THSD7A: variants seen among roughly 807,000 people sequenced by gnomAD.
THSD7A encodes the protein thrombospondin type 1 domain containing 7A, also known as thrombospondin type-1 domain-containing protein 7A.
A neutral mutation model predicts 231.3 loss-of-function variants in THSD7A; 96 were observed. That is an observed-to-expected ratio of 0.41 (90% confidence interval 0.35 to 0.49). The LOEUF is 0.49. Ranked by LOEUF, THSD7A falls within the 20% of genes least tolerant of loss-of-function variation. The probability of loss-of-function intolerance (pLI) is 0.05; values close to 1 mark genes in which losing one functional copy is unlikely to be tolerated. For missense variants in THSD7A, 2,290 were observed against 2,070.2 expected (o/e 1.11, Z -2.06); for synonymous variants, 940 against 743.3 (o/e 1.26, Z -4.30).
chr7:11,795,184 T>C (rs1165562021), intron 1 of THSD7A, among the ~76,000 whole-genome samples: 1 of 151,952 alleles, frequency 6.6e-6, no homozygotes, highest in African/African-American at 2.4e-5. Context: ...ATTACAGCAT[T>C]CTAAGTGAAA....
At chr7:11,505,500 AAAGT>A (rs1787509345) in intron 6 of THSD7A, among the ~76,000 whole-genome samples, 1 of 152,024 alleles carries the variant, frequency 6.6e-6, no homozygotes, top group African/African-American at 2.4e-5. Flanking sequence ...GAAAGAAGGC[AAAGT>A]AATTCTCATA....
chr7:11,401,729 A>G, intron 23 of THSD7A, 66 bp downstream of exon 23: 1 of 1,464,704 alleles, frequency 6.8e-7, no homozygotes, highest in Non-Finnish European at 9.1e-7. Context: ...TTTATTTTTA[A>G]CAGACTATTT....
At chr7:11,681,618 A>G (rs1783873414) in intron 1 of THSD7A, among the ~76,000 whole-genome samples, 1 of 152,058 alleles carries the variant, frequency 6.6e-6, no homozygotes, top group South Asian at 2.1e-4. Flanking sequence ...TGATGCAAAG[A>G]GAACAAACCT....
At chr7:11,539,083 T>G (rs1789034955) in intron 6 of THSD7A, among the ~76,000 whole-genome samples, 1 of 152,168 alleles carries the variant, frequency 6.6e-6, no homozygotes, top group Non-Finnish European at 1.5e-5. Flanking sequence ...AGCCCAGGCC[T>G]AGAGGTAGAG....
chr7:11,638,816 C>T (rs1364621424), intron 1 of THSD7A, among the ~76,000 whole-genome samples: 2 of 151,914 alleles, frequency 1.3e-5, no homozygotes, highest in Non-Finnish European at 2.9e-5. Flanking sequence ...TGCAATCCAC[C>T]TAATAATATT....
At chr7:11,455,327 A>G (rs1364554375) in intron 11 of THSD7A, among the ~76,000 whole-genome samples, 2 of 152,110 alleles carry the variant, frequency 1.3e-5, no homozygotes, top group Non-Finnish European at 2.9e-5. Context: ...TCCTGATAAA[A>G]CTATCAACAC....
chr7:11,542,888 G>A (rs1035828031), intron 5 of THSD7A, 74 bp downstream of exon 5: 1 of 1,477,186 alleles, frequency 6.8e-7, no homozygotes, highest in African/African-American at 1.4e-5. Flanking sequence ...GAACACAGAA[G>A]AGCATTTTAA....
chr7:11,582,928 T>TG (rs1791230751), intron 4 of THSD7A, among the ~76,000 whole-genome samples: 2 of 81,172 alleles, frequency 2.5e-5, no homozygotes, highest in South Asian at 6.6e-4. Flanking sequence ...TATATCTGTG[T>TG]TTTTTTTTAC....
At chr7:11,709,983 G>A (rs1780897219) in intron 1 of THSD7A, among the ~76,000 whole-genome samples, 1 of 150,810 alleles carries the variant, frequency 6.6e-6, no homozygotes, top group African/African-American at 2.4e-5. Flanking sequence ...CAAATGTATG[G>A]CTACTACCTA....
In THSD7A at chr7:11,374,858, T is replaced by C. The variant is rs1000145296; in HGVS notation, c.*936A>G. On this transcript the variant is annotated 3_prime_UTR_variant, in exon 28 of 28. Transcript: ENST00000423059. ...TCTTGCTGCCATCCAAACTGAACTT[T>C]ACTCTCTTCAGGATACAAGAACTTG... The C allele has an allele frequency of 3.3e-5, 5 of 152,070 alleles. No homozygotes were observed. The highest frequency in any genetic ancestry group is 1.2e-4 in the African/African-American group (5 of 41,414). The allele number at this position is 152,070 out of a possible 1,614,324, so 9.4% of individuals were successfully genotyped here. A position where few individuals can be genotyped will look rare whatever the true frequency, so the allele number is the denominator to read the frequency against.
At chr7:11,596,837 C>G (rs1210634309) in intron 2 of THSD7A, among the ~76,000 whole-genome samples, 2 of 152,230 alleles carry the variant, frequency 1.3e-5, no homozygotes, top group African/African-American at 2.4e-5. Flanking sequence ...AACACATCTC[C>G]TGACACCTGG....
intron 6 of THSD7A, among the ~76,000 whole-genome samples, chr7:11,517,144 T>A (rs1299549965): frequency 6.6e-6 from 1 of 152,168 alleles, no homozygotes; most frequent in African/African-American, 2.4e-5. Context: ...AGTGGCACAA[T>A]CTTGGCTCAC....
chr7:11,466,402 C>T lies in THSD7A; in HGVS notation c.2368+3477G>A, dbSNP rs747373487. ...GCCATTTACTTTATTTTCTTCACAACAAAAGGCTAGCTTTCTGTAACACCA... is the reference window on the plus strand; with the variant it reads ...GCCATTTACTTTATTTTCTTCACAATAAAAGGCTAGCTTTCTGTAACACCA... On this transcript the variant is annotated intron_variant, in intron 9 of 27. Coordinates refer to ENST00000423059, the MANE Select transcript of THSD7A (RefSeq NM_015204.3). 3.3e-5 allele frequency among the ~76,000 whole-genome samples: 5 copies of T among 152,104 alleles called. 1 individual carries two copies. The highest frequency in any genetic ancestry group is 2.0e-4 in the Admixed American group (3 of 15,256).
chr7:11,449,090 C>T (rs570128104), intron 11 of THSD7A, among the ~76,000 whole-genome samples: 47 of 152,148 alleles, frequency 3.1e-4, no homozygotes, highest in Non-Finnish European at 5.7e-4. Context: ...AGATTATAAT[C>T]CCCTGGATAA....
chr7:11,739,736 G>T (rs377446506), intron 1 of THSD7A, among the ~76,000 whole-genome samples: 15 of 151,914 alleles, frequency 9.9e-5, no homozygotes, highest in East Asian at 9.8e-4. Flanking sequence ...ATCATCTCTT[G>T]CCTGGTCAAC....
chr7:11,723,050 C>T (rs1781413850), intron 1 of THSD7A, among the ~76,000 whole-genome samples: 1 of 151,978 alleles, frequency 6.6e-6, no homozygotes, highest in Non-Finnish European at 1.5e-5. Context: ...CGGCACTATT[C>T]ACAGTAGCAA....
At chr7:11,666,265 C>T (rs1783127323) in intron 1 of THSD7A, among the ~76,000 whole-genome samples, 1 of 151,648 alleles carries the variant, frequency 6.6e-6, no homozygotes, top group Admixed American at 6.6e-5. Context: ...TGGTAGAACC[C>T]ATGTCTAAAC....
At chr7:11,388,920 G>C (rs1782871038) in intron 23 of THSD7A, among the ~76,000 whole-genome samples, 1 of 152,184 alleles carries the variant, frequency 6.6e-6, no homozygotes, top group Admixed American at 6.6e-5. Flanking sequence ...GCAGTTTTGA[G>C]TGAGTTTCTT....
chr7:11,791,204 T>C (rs568099657), intron 1 of THSD7A, among the ~76,000 whole-genome samples: 57 of 152,018 alleles, frequency 3.7e-4, no homozygotes, highest in Admixed American at 1.6e-3. Flanking sequence ...ATAAACGTAA[T>C]TTGAGATTAC....
Sources: gnomAD v4.1 joint callset for allele counts (sites outside exome capture counted in the v4.1 genomes callset) on GRCh38, gnomAD v4.1.1 for gene constraint, MANE v1.5 for transcripts, NCBI Gene and HGNC (gene_info 2026-07-23, HGNC 2026-07-21) for gene names.